Variants in PRODH2 observed in about 807,000 individuals in gnomAD.
PRODH2 encodes the protein hydroxyproline dehydrogenase.
In PRODH2, 49 loss-of-function variants were observed where a neutral mutation model predicts 51.9. The observed-to-expected ratio is 0.94, with a 90% CI of 0.75 to 1.20. The LOEUF (loss-of-function observed/expected upper bound fraction) is 1.20, where lower values mean the gene tolerates loss of function less well. Ranked by LOEUF, PRODH2 falls within the 50% of genes most tolerant of loss-of-function variation. The probability of loss-of-function intolerance (pLI) is 0.00; values close to 1 mark genes in which losing one functional copy is unlikely to be tolerated. For synonymous variants in PRODH2, 249 were observed against 260.7 expected, an observed-to-expected ratio of 0.96 and a Z score of 0.43; for missense variants, 597 against 610.9, an observed-to-expected ratio of 0.98 and a Z score of 0.24.
In PRODH2 at chr19:35,806,771, A is replaced by C; in HGVS notation, c.738T>G (p.Pro246=). 1 of 1,613,528 alleles carries C rather than the reference A, an allele frequency of 6.2e-7. No individual in the cohort carries two copies. The highest frequency in any genetic ancestry group is 8.5e-7 in the Non-Finnish European group (1 of 1,179,788). Reference sequence around the variant, plus strand: ...GGGCAGCCACCAGCAGCGAGAGCGCAGGGTTCAGTGAGGTGTACTCCGCAT... The same window carrying C: ...GGGCAGCCACCAGCAGCGAGAGCGCCGGGTTCAGTGAGGTGTACTCCGCAT... ...LVDAEYTSLN[P]ALSLLVAALA... Residue 246 remains proline (P), a synonymous_variant, in exon 6 of 10, where the codon CCT becomes CCG. Transcript: ENST00000653904.
chr19:35,804,136 A>AG (rs1972473895), intron 7 of PRODH2, among the ~76,000 whole-genome samples: 2 of 152,164 alleles, frequency 1.3e-5, no homozygotes, highest in African/African-American at 4.8e-5. Flanking sequence ...ACTACAGCAT[A>AG]GGGGTCAAAA....
At position 35,806,586 on chromosome 19, in the gene PRODH2, T is replaced by A. The variant is rs374862167; in HGVS notation, c.845A>T (p.Glu282Val). 166 of 1,613,922 alleles carry A rather than the reference T, an allele frequency of 1.0e-4. No homozygotes were observed. Among genetic ancestry groups the A allele is most frequent in the Middle Eastern group, 1.6e-4 (1 of 6,084 alleles). The change falls in exon 7 of 10, where the codon GAG becomes GTG. Residue 282 changes from glutamate (E) to valine (V), a missense_variant. Transcript: ENST00000653904. ...AGCCTCTGCATCCCTCCCCAGCCGCTCGAATGTGTCCTATAGGGCACGCAG... is the reference window on the plus strand; with the variant it reads ...AGCCTCTGCATCCCTCCCCAGCCGCACGAATGTGTCCTATAGGGCACGCAG... The part of the protein sequence containing the change: ...TYQACLKDTF[E>V]RLGRDAEAAH...
At chr19:35,805,682 T>C (rs1365538969) in intron 7 of PRODH2, among the ~76,000 whole-genome samples, 2 of 152,188 alleles carry the variant, frequency 1.3e-5, no homozygotes, top group Admixed American at 6.5e-5. Flanking sequence ...GTAGTTGGGA[T>C]GACAGGTGCA....
chr19:35,806,049 G>A (rs1036615622), intron 7 of PRODH2, among the ~76,000 whole-genome samples: 33 of 150,686 alleles, frequency 2.2e-4, no homozygotes, highest in African/African-American at 7.8e-4. Context: ...AGAGGCCACT[G>A]TAAGGATTTC....
Position 35,800,173 on chromosome 19 carries a change from C to T in PRODH2, c.1248G>A (p.Glu416=), listed in dbSNP as rs1027852001. ...TCCGGATCAGGTAGGGGATTACCTC[C>T]TCCAAGGAGCCATAGGGAATGGACT... ...VYKSIPYGSL[E]EVIPYLIRRA... is the part of the protein sequence containing the mutation. Residue 416 remains glutamate, a synonymous_variant, in exon 10 of 10, where the codon GAG becomes GAA. Coordinates refer to ENST00000653904, the MANE Select transcript of PRODH2 (RefSeq NM_021232.2). The T allele has an allele frequency of 1.2e-6, 2 of 1,603,276 alleles. No homozygotes were observed. Among genetic ancestry groups the T allele is most frequent in the Admixed American group, 3.4e-5 (2 of 58,426 alleles).
At chr19:35,806,623 T>C (rs1385727883) in intron 6 of PRODH2, 27 bp from the exon 7 acceptor site, 1 of 1,613,932 alleles carries the variant, frequency 6.2e-7, no homozygotes, top group Non-Finnish European at 8.5e-7. Context: ...CAGGTTCTGG[T>C]AGGTCAGGGT....
At chr19:35,809,333 C>T (rs1599822631) in intron 4 of PRODH2, among the ~76,000 whole-genome samples, 2 of 151,798 alleles carry the variant, frequency 1.3e-5, no homozygotes, top group Non-Finnish European at 2.9e-5. Context: ...TGGGCTCAAG[C>T]GACCCTCCTG....
At chr19:35,804,264 G>A (rs145110681) in intron 7 of PRODH2, among the ~76,000 whole-genome samples, 6 of 152,230 alleles carry the variant, frequency 3.9e-5, no homozygotes, top group African/African-American at 7.2e-5. Flanking sequence ...CTCGGCTCAC[G>A]GAATCCTCCA....
Position 35,804,539 on chromosome 19 carries a change from T to C in PRODH2, c.1002-1461A>G, listed in dbSNP as rs567005773. 7.2e-5 allele frequency among the ~76,000 whole-genome samples: 11 copies of C among 152,350 alleles called. No individual in the cohort carries two copies. In the East Asian group the frequency reaches 1.9e-3, roughly 27 times the overall value. On this transcript the variant is annotated intron_variant, in intron 7 of 9. Coordinates refer to ENST00000653904, the MANE Select transcript of PRODH2 (RefSeq NM_021232.2). ...AAGCTGAGAGGGGTTCTATCTCTTG[T>C]CCCCAGGTCACACAGCTAGAGGTGG...
rs767065521 is a variant in PRODH2 at position 35,812,255 on chromosome 19, C to A, written c.389G>T (p.Gly130Val). 14 of 1,613,492 alleles carry A rather than the reference C, an allele frequency of 8.7e-6. No homozygotes were observed. Among genetic ancestry groups the A allele is most frequent in the Non-Finnish European group, 1.1e-5 (13 of 1,179,988 alleles). ...ACACCGCAGCATAGCACCGAGGTTC[C>A]CCTCATACCACGCCTCACTGCCCAG... The part of the protein sequence containing the change: ...AAKSGEAWYE[G>V]NLGAMLRCVD... The change falls in exon 3 of 10, where the codon GGG (glycine) becomes GTG (valine). Residue 130 changes from glycine to valine, a missense_variant. By Grantham distance (109) the Gly-to-Val change is moderately radical. Coordinates refer to ENST00000653904, the MANE Select transcript of PRODH2 (RefSeq NM_021232.2).
rs1329946964 is a variant in PRODH2 at position 35,812,037 on chromosome 19, G to GGCTA, written c.518_521dup (p.Trp176LeufsTer19). ...AGGCTCCTGGCCTTCTGACCCACGA[G>GGCTA]GCTAGCTCCTTCTGAAATGGGGTGG... On this transcript the variant is annotated frameshift_variant, in exon 4 of 10. Coordinates refer to ENST00000653904, the MANE Select transcript of PRODH2 (RefSeq NM_021232.2). LOFTEE classifies it high-confidence loss of function. The GGCTA allele has an allele frequency of 1.2e-6, 2 of 1,614,210 alleles. No homozygotes were observed. Among genetic ancestry groups the GGCTA allele is most frequent in the South Asian group, 2.2e-5 (2 of 91,084 alleles).
At chr19:35,808,869 G>A (rs1972557378) in intron 4 of PRODH2, among the ~76,000 whole-genome samples, 1 of 146,438 alleles carries the variant, frequency 6.8e-6, no homozygotes, top group Non-Finnish European at 1.5e-5. Flanking sequence ...GAGTGCAGTG[G>A]TGCAAGTTCA....
rs749356273 is a variant in PRODH2 at position 35,806,699 on chromosome 19, C to T, written c.810G>A (p.Trp270Ter). The change falls in exon 6 of 10, where the codon TGG (tryptophan) becomes TGA (stop). Residue 270 changes from tryptophan to a stop codon, truncating the protein, a stop_gained. Coordinates refer to ENST00000653904, the MANE Select transcript of PRODH2 (RefSeq NM_021232.2). LOFTEE classifies it high-confidence loss of function. ...CCTTTAGACAGGCCTGGTAGGTGTT[C>T]CACACCCAGGGCCCGCCTTCACCCG... The part of the protein sequence containing the change: ...NSPGEGGPWV[W>*]NTYQACLKDT... 1 of 1,614,162 alleles carries T rather than the reference C, an allele frequency of 6.2e-7. No individual in the cohort carries two copies. The highest frequency in any genetic ancestry group is 8.5e-7 in the Non-Finnish European group (1 of 1,180,018).
At chr19:35,810,613 C>T (rs1972594015) in intron 4 of PRODH2, among the ~76,000 whole-genome samples, 1 of 151,952 alleles carries the variant, frequency 6.6e-6, no homozygotes, top group Non-Finnish European at 1.5e-5. Flanking sequence ...CCTCCGCCTC[C>T]CGGTTCAAGC....
chr19:35,806,682 C>T lies in PRODH2; in HGVS notation c.827G>A (p.Cys276Tyr), dbSNP rs1436147855. Reference protein sequence around the residue: ...GPWVWNTYQACLKDTFERLGR... With the variant: ...GPWVWNTYQAYLKDTFERLGR... Reference sequence around the variant, plus strand: ...CTGGAACACACTGCACACCTTTAGACAGGCCTGGTAGGTGTTCCACACCCA... The same window carrying T: ...CTGGAACACACTGCACACCTTTAGATAGGCCTGGTAGGTGTTCCACACCCA... The change falls in exon 6 of 10, where the codon TGT becomes TAT. Residue 276 changes from cysteine to tyrosine, a missense_variant. Cys to Tyr is a radical substitution (Grantham distance 194). Transcript: ENST00000653904. The T allele has an allele frequency of 1.9e-6, 3 of 1,614,162 alleles. No individual in the cohort carries two copies.
chr19:35,807,325 CAG>C (rs1250793193), intron 4 of PRODH2, among the ~76,000 whole-genome samples: 1 of 152,130 alleles, frequency 6.6e-6, no homozygotes, highest in Non-Finnish European at 1.5e-5. Flanking sequence ...TTTTTTGAAA[CAG>C]AGTCTTGCTC....
Position 35,806,841 on chromosome 19 carries a change from CAG to C in PRODH2, c.679-13_679-12del, listed in dbSNP as rs779269684. ...CTGGGCCCGGGCATACTGATGGCGACAGAGACGACGGTCAGGGCCCCGGGTGT... is the reference window on the plus strand; with the variant it reads ...CTGGGCCCGGGCATACTGATGGCGACAGACGACGGTCAGGGCCCCGGGTGT... On this transcript the variant is annotated splice_polypyrimidine_tract_variant and intron_variant, in intron 5 of 9. Transcript: ENST00000653904. The C allele has an allele frequency of 7.6e-6, 12 of 1,589,074 alleles. No individual in the cohort carries two copies. The highest frequency in any genetic ancestry group is 1.0e-5 in the Non-Finnish European group (12 of 1,168,000).
Position 35,800,055 on chromosome 19 carries a change from G to A in PRODH2, c.1366C>T (p.Arg456Ter), listed in dbSNP as rs760371034. 27 of 1,611,302 alleles carry A rather than the reference G, an allele frequency of 1.7e-5. No homozygotes were observed. The highest frequency in any genetic ancestry group is 1.8e-4 in the Middle Eastern group (1 of 5,592). ...ELWRRLLPGC[R>*]RIPH ...CAGGGGTGCTAGTGGGGTATCCTTC[G>A]GCATCCTGGCAGCAGCCGCCGCCAC... is the stretch of plus-strand genomic sequence containing the variant. The change falls in exon 10 of 10, where the codon CGA (arginine) becomes TGA (stop). Residue 456 changes from arginine to a stop codon, truncating the protein, a stop_gained. Coordinates refer to ENST00000653904, the MANE Select transcript of PRODH2 (RefSeq NM_021232.2). LOFTEE classifies it high-confidence loss of function.
chr19:35,812,677 A>C lies in PRODH2; in HGVS notation c.129T>G (p.Val43=). ...GTGELTRALL[V]LRLCAWPPLV... is the part of the protein sequence containing the mutation. ...GTGGGGGCCAGGCACACAGCCGGAGAACCAGCAAGGCCCGTGTCAGCTCTC... is the reference window on the plus strand; with the variant it reads ...GTGGGGGCCAGGCACACAGCCGGAGCACCAGCAAGGCCCGTGTCAGCTCTC... The change falls in exon 1 of 10, where the codon GTT becomes GTG. Residue 43 remains valine, a synonymous_variant. Coordinates refer to ENST00000653904, the MANE Select transcript of PRODH2 (RefSeq NM_021232.2). 6.2e-7 allele frequency: 1 copy of C among 1,603,652 alleles called. No individual in the cohort carries two copies. The highest frequency in any genetic ancestry group is 1.7e-5 in the Admixed American group (1 of 59,312).
Sources: gnomAD v4.1 joint callset for allele counts (sites outside exome capture counted in the v4.1 genomes callset) on GRCh38, gnomAD v4.1.1 for gene constraint, MANE v1.5 for transcripts, NCBI Gene and HGNC (gene_info 2026-07-23, HGNC 2026-07-21) for gene names.